The following KCND2 variants were observed in gnomAD, a reference collection of about 807,000 sequenced individuals.
The protein encoded by KCND2 is potassium voltage-gated channel subfamily D member 2.
In KCND2, 16 loss-of-function variants were observed where a neutral mutation model predicts 54.4. The ratio of observed to expected loss-of-function variants is 0.29; its 90% CI spans 0.20 to 0.45. The LOEUF is 0.45. KCND2 is among the 20% of genes least tolerant of loss of function. The probability of loss-of-function intolerance (pLI) is 1.00; values close to 1 mark genes in which losing one functional copy is unlikely to be tolerated. For synonymous variants in KCND2, 317 were observed against 310.7 expected (o/e 1.02, Z -0.21); for missense variants, 486 against 824.2 (o/e 0.59, Z 5.02).
At position 120,325,153 on chromosome 7, in the gene KCND2, A is replaced by G. The variant is rs558377807; in HGVS notation, c.1115+49406A>G. Among the ~76,000 whole-genome samples, 460 of 144,244 alleles carry G rather than the reference A, an allele frequency of 3.2e-3. 4 individuals are homozygous for G. Among genetic ancestry groups the G allele is most frequent in the African/African-American group, 0.011 (436 of 38,762 alleles). The allele number at this position is 144,244 out of a possible 152,430, so 94.6% of individuals were successfully genotyped here. On this transcript the variant is annotated intron_variant, in intron 1 of 5. Coordinates refer to ENST00000331113, the MANE Select transcript of KCND2 (RefSeq NM_012281.3). ...TGTGATTTTTGCACATTGATTTTGT[A>G]TCCTGAGAGTTTGCTGAAGTTGCTT... is the stretch of plus-strand genomic sequence containing the variant.
chr7:120,463,117 G>A (rs142071054), intron 1 of KCND2, among the ~76,000 whole-genome samples: 1 of 152,098 alleles, frequency 6.6e-6, no homozygotes, highest in Non-Finnish European at 1.5e-5. Flanking sequence ...TAGATTGTTT[G>A]AGTATCCACT....
intron 1 of KCND2, among the ~76,000 whole-genome samples, chr7:120,328,890 G>A (rs1422150992): frequency 6.6e-6 from 1 of 152,026 alleles, no homozygotes; most frequent in Non-Finnish European, 1.5e-5. Context: ...TCAACTTTCA[G>A]TATTATTTAA....
intron 1 of KCND2, among the ~76,000 whole-genome samples, chr7:120,694,094 T>C (rs1160116488): frequency 6.6e-6 from 1 of 152,166 alleles, no homozygotes; most frequent in East Asian, 1.9e-4. Flanking sequence ...CCTGTCTGCT[T>C]TGAAGGAATT....
At chr7:120,437,864 C>G (rs1250724055) in intron 1 of KCND2, among the ~76,000 whole-genome samples, 1 of 152,188 alleles carries the variant, frequency 6.6e-6, no homozygotes, top group African/African-American at 2.4e-5. Flanking sequence ...TGTGATCTGC[C>G]TTTATCCAAT....
chr7:120,468,651 C>G (rs1257808868), intron 1 of KCND2, among the ~76,000 whole-genome samples: 1 of 152,108 alleles, frequency 6.6e-6, no homozygotes, highest in African/African-American at 2.4e-5. Context: ...ATAGCAACAA[C>G]AAGCCTATCT....
chr7:120,696,637 G>C (rs1792336244), intron 1 of KCND2, among the ~76,000 whole-genome samples: 1 of 152,166 alleles, frequency 6.6e-6, no homozygotes. Flanking sequence ...ATCATACATG[G>C]ATTAATGTCC....
intron 1 of KCND2, among the ~76,000 whole-genome samples, chr7:120,299,860 G>A (rs1460017247): frequency 6.6e-6 from 1 of 152,172 alleles, no homozygotes; most frequent in Non-Finnish European, 1.5e-5. Context: ...GGCTGATCCA[G>A]AGGTTTTTGA....
intron 1 of KCND2, among the ~76,000 whole-genome samples, chr7:120,713,750 G>A (rs953103675): frequency 6.6e-6 from 1 of 152,114 alleles, no homozygotes; most frequent in African/African-American, 2.4e-5. Context: ...TAACAACTGG[G>A]ACTTGTAGAT....
At chr7:120,560,305 G>T (rs542273472) in intron 1 of KCND2, among the ~76,000 whole-genome samples, 4 of 152,192 alleles carry the variant, frequency 2.6e-5, no homozygotes, top group African/African-American at 7.2e-5. Context: ...TAACTATTCA[G>T]TAGTTTTAAA....
At chr7:120,391,294 A>C (rs759346679) in intron 1 of KCND2, among the ~76,000 whole-genome samples, 18 of 152,114 alleles carry the variant, frequency 1.2e-4, no homozygotes, top group Non-Finnish European at 2.2e-4. Flanking sequence ...TATGTGCCAC[A>C]CTTGCTTTAT....
At chr7:120,313,743 T>TTC (rs1799773406) in intron 1 of KCND2, among the ~76,000 whole-genome samples, 1 of 147,162 alleles carries the variant, frequency 6.8e-6, no homozygotes, top group African/African-American at 2.6e-5. Context: ...CTCCTGGGAT[T>TTC]TTTTTTTTTT....
chr7:120,728,059 A>C (rs1300134397), intron 1 of KCND2, among the ~76,000 whole-genome samples: 5 of 148,792 alleles, frequency 3.4e-5, no homozygotes, highest in Non-Finnish European at 7.4e-5. Flanking sequence ...GCTTGAACCC[A>C]GGAGGCAGAG....
intron 1 of KCND2, among the ~76,000 whole-genome samples, chr7:120,725,751 A>T (rs1202004424): frequency 6.6e-6 from 1 of 152,168 alleles, no homozygotes. Flanking sequence ...ATACTCCCTT[A>T]AGTATCTTAA....
intron 1 of KCND2, among the ~76,000 whole-genome samples, chr7:120,653,492 T>C (rs1791764548): frequency 6.6e-6 from 1 of 152,142 alleles, no homozygotes; most frequent in South Asian, 2.1e-4. Context: ...CTTCATTAGT[T>C]CATCTGTTCC....
intron 1 of KCND2, among the ~76,000 whole-genome samples, chr7:120,434,741 G>A (rs566343464): frequency 5.3e-5 from 8 of 152,230 alleles, no homozygotes; most frequent in South Asian, 4.1e-4. Flanking sequence ...GAGAGAGCTC[G>A]TCATAGCTCA....
chr7:120,722,062 T>C (rs1212207624), intron 1 of KCND2, among the ~76,000 whole-genome samples: 1 of 152,184 alleles, frequency 6.6e-6, no homozygotes, highest in African/African-American at 2.4e-5. Flanking sequence ...TCCAGCCAGG[T>C]GGAACTGTGA....
chr7:120,655,593 AGTTT>A lies in KCND2; in HGVS notation c.1116-77309_1116-77306del, dbSNP rs1460212141. ...AAAACATATTTCTTAAAGAGCATTGAGTTTTCCAGCAAACTCTCATGCTCAAGTA... is the reference window on the plus strand; with the variant it reads ...AAAACATATTTCTTAAAGAGCATTGATCCAGCAAACTCTCATGCTCAAGTA... On this transcript the variant is annotated intron_variant, in intron 1 of 5. Transcript: ENST00000331113. Among the ~76,000 whole-genome samples the A allele has an allele frequency of 2.0e-5, 3 of 152,092 alleles. No homozygotes were observed. In the East Asian group the frequency reaches 5.8e-4, roughly 29 times the overall value.
At chr7:120,657,283 G>T (rs1336162364) in intron 1 of KCND2, among the ~76,000 whole-genome samples, 1 of 152,026 alleles carries the variant, frequency 6.6e-6, no homozygotes, top group Non-Finnish European at 1.5e-5. Context: ...AGAATAATTT[G>T]AACCCATGTT....
chr7:120,343,520 C>T (rs1378751106), intron 1 of KCND2, among the ~76,000 whole-genome samples: 1 of 152,076 alleles, frequency 6.6e-6, no homozygotes, highest in Non-Finnish European at 1.5e-5. Flanking sequence ...TATATTCCAA[C>T]AATGTAATTA....
Sources: allele counts gnomAD v4.1 joint callset (sites outside exome capture counted in the v4.1 genomes callset), GRCh38; gene constraint gnomAD v4.1.1; transcripts MANE v1.5; gene names NCBI Gene and HGNC (gene_info 2026-07-23, HGNC 2026-07-21).